The following CENPU variants were observed in gnomAD, a reference collection of about 807,000 sequenced individuals.
CENPU encodes the protein KSHV latent nuclear antigen interacting protein 1.
Under a neutral mutation model 56.7 loss-of-function variants are expected in CENPU, and 46 were observed. That is an observed-to-expected ratio of 0.81 (90% CI 0.64 to 1.04). The LOEUF (loss-of-function observed/expected upper bound fraction) is 1.04. Among genes scored for constraint, CENPU ranks in the 50% least tolerant of loss-of-function variants. The pLI is 0.00. For missense variants in CENPU, 510 were observed against 490.1 expected (o/e 1.04, Z -0.38); for synonymous variants, 166 against 163.0 (o/e 1.02, Z -0.14).
rs534938888 is a variant in CENPU at position 184,716,263 on chromosome 4, T to G, written c.618+134A>C. On this transcript the variant is annotated intron_variant, in intron 6 of 12. Coordinates refer to ENST00000281453, the MANE Select transcript of CENPU (RefSeq NM_024629.4). Reference sequence around the variant, plus strand: ...CCATCTAGATTTTCTAAAACAAACATCTTTATTACATTAAGGAAAATATAA... The same window carrying G: ...CCATCTAGATTTTCTAAAACAAACAGCTTTATTACATTAAGGAAAATATAA... 23 of 679,022 alleles carry G rather than the reference T, an allele frequency of 3.4e-5. No individual in the cohort carries two copies. In the Admixed American group the frequency reaches 6.8e-4, roughly 20 times the overall value. 42.1% of individuals were successfully genotyped at this position (679,022 alleles called of 1,614,324 possible).
chr4:184,696,872 A>G (rs1299027188), intron 12 of CENPU, among the ~76,000 whole-genome samples: 1 of 140,760 alleles, frequency 7.1e-6, no homozygotes, highest in East Asian at 2.0e-4. Flanking sequence ...TTCCTTTTTA[A>G]TGTTCCTTAA....
chr4:184,698,826 C>T (rs1579754303), intron 11 of CENPU, among the ~76,000 whole-genome samples: 2 of 152,184 alleles, frequency 1.3e-5, no homozygotes, highest in Non-Finnish European at 2.9e-5. Flanking sequence ...GTCAGGAGTG[C>T]TGGATTTGGA....
chr4:184,721,737 A>G (rs1236041505), intron 4 of CENPU, among the ~76,000 whole-genome samples: 3 of 152,186 alleles, frequency 2.0e-5, no homozygotes, highest in Non-Finnish European at 2.9e-5. Context: ...CAACACTGGA[A>G]CACCCAGATA....
chr4:184,723,775 G>A lies in CENPU; in HGVS notation c.320+1182C>T, dbSNP rs184230324. Among the ~76,000 whole-genome samples, 571 of 149,940 alleles carry A rather than the reference G, an allele frequency of 3.8e-3. 6 individuals are homozygous for A. Among genetic ancestry groups the A allele is most frequent in the African/African-American group, 0.013 (548 of 40,728 alleles). On this transcript the variant is annotated intron_variant, in intron 4 of 12. Coordinates refer to ENST00000281453, the MANE Select transcript of CENPU (RefSeq NM_024629.4). The stretch of plus-strand genomic sequence containing the variant: ...GGAGAATTGCTTGAACCTGGGAGGC[G>A]GAGGTTACAGTGAGCCAAGATTGCG...
chr4:184,715,580 T>C (rs1456109761), intron 6 of CENPU, among the ~76,000 whole-genome samples: 1 of 152,194 alleles, frequency 6.6e-6, no homozygotes, highest in Non-Finnish European at 1.5e-5. Flanking sequence ...CCCAAAGTGG[T>C]AGGATTACAG....
chr4:184,731,135 A>G (rs1420475275), intron 1 of CENPU, among the ~76,000 whole-genome samples, 167 bp from the exon 2 acceptor site: 1 of 152,136 alleles, frequency 6.6e-6, no homozygotes, highest in East Asian at 1.9e-4. Flanking sequence ...GTATAAAATA[A>G]CATACCTCTC....
At chr4:184,711,004 C>T (rs7659101) in intron 7 of CENPU, among the ~76,000 whole-genome samples, 27,056 of 151,840 alleles carry the variant, frequency 0.18, 2,678 homozygotes, top group African/African-American at 0.26. Context: ...TACAAGTGTA[C>T]GCCACTATGC....
intron 1 of CENPU, 51 bp downstream of exon 1, chr4:184,733,965 C>T: frequency 1.2e-6 from 2 of 1,608,418 alleles, no homozygotes; most frequent in Non-Finnish European, 1.7e-6. Context: ...GGCGAGGAAG[C>T]AGTTCAAGCT....
chr4:184,731,059 C>CAAAAA, intron 1 of CENPU, 91 bp from the exon 2 acceptor site: 3 of 681,460 alleles, frequency 4.4e-6, no homozygotes, highest in Non-Finnish European at 6.4e-6. Context: ...GCATTTTTAC[C>CAAAAA]AAAAAAAAAA....
intron 8 of CENPU, among the ~76,000 whole-genome samples, chr4:184,705,036 G>A (rs1435850471): frequency 1.3e-5 from 2 of 152,092 alleles, no homozygotes; most frequent in South Asian, 2.1e-4. Context: ...AACTAAACAT[G>A]CAATTACCAT....
intron 8 of CENPU, among the ~76,000 whole-genome samples, chr4:184,705,470 G>A (rs1405301738): frequency 2.6e-5 from 4 of 152,066 alleles, no homozygotes; most frequent in Non-Finnish European, 5.9e-5. Context: ...GAGAACACAA[G>A]GATCCTGGAG....
intron 8 of CENPU, among the ~76,000 whole-genome samples, chr4:184,706,730 A>T (rs1426148420): frequency 6.6e-6 from 1 of 152,240 alleles, no homozygotes; most frequent in Non-Finnish European, 1.5e-5. Context: ...CATATTGTCA[A>T]GGAAACAAAA....
In CENPU at chr4:184,695,416, T is replaced by G. The variant is rs368960611; in HGVS notation, c.1144-15A>C. 13 of 1,560,768 alleles carry G rather than the reference T, an allele frequency of 8.3e-6. No individual in the cohort carries two copies. Among genetic ancestry groups the G allele is most frequent in the Non-Finnish European group, 1.1e-5 (12 of 1,132,576 alleles). On this transcript the variant is annotated splice_polypyrimidine_tract_variant and intron_variant, in intron 12 of 12. Transcript: ENST00000281453. ...GATGAATCATACTGTTGAAAGAAAA[T>G]TATATAATTAGCAATATCAAAAACT...
rs1760049750 is a variant in CENPU at position 184,694,493 on chromosome 4, C to T, written c.*795G>A. ...CCTGAGTAAATATTTTCCTATCCCACTCTCTATCCCTTCACCACTGAAATA... is the reference window on the plus strand; with the variant it reads ...CCTGAGTAAATATTTTCCTATCCCATTCTCTATCCCTTCACCACTGAAATA... On this transcript the variant is annotated 3_prime_UTR_variant, in exon 13 of 13. Transcript: ENST00000281453. The T allele has an allele frequency of 2.5e-6, 4 of 1,597,896 alleles. No individual in the cohort carries two copies. The highest frequency in any genetic ancestry group is 3.4e-6 in the Non-Finnish European group (4 of 1,168,978).
At chr4:184,728,046 G>A (rs963171572) in intron 3 of CENPU, among the ~76,000 whole-genome samples, 2 of 152,122 alleles carry the variant, frequency 1.3e-5, no homozygotes, top group Admixed American at 1.3e-4. Flanking sequence ...CAATTTTCTG[G>A]AATTAGATAA....
chr4:184,698,018 A>T (rs1170146192), intron 11 of CENPU: 1 of 494,762 alleles, frequency 2.0e-6, no homozygotes, highest in Non-Finnish European at 3.6e-6. Context: ...AATAATTAGC[A>T]GTGATATCCA....
rs781245400 is a variant in CENPU at position 184,710,142 on chromosome 4, T to C, written c.727A>G (p.Met243Val). Reference sequence around the variant, plus strand: ...AACTCCTTGATGTCACTGGTTTTCATTCCTTCTGGACACCAAATGTGCACA... The same window carrying C: ...AACTCCTTGATGTCACTGGTTTTCACTCCTTCTGGACACCAAATGTGCACA... ...DIVHIWCPEG[M>V]KTSDIKELNI... The change falls in exon 8 of 13, where the codon ATG (methionine) becomes GTG (valine). Residue 243 changes from methionine (M) to valine (V), a missense_variant. By Grantham distance (21) the Met-to-Val change is conservative (BLOSUM62 1). Coordinates refer to ENST00000281453, the MANE Select transcript of CENPU (RefSeq NM_024629.4). 8 of 1,610,458 alleles carry C rather than the reference T, an allele frequency of 5.0e-6. No homozygotes were observed. In the South Asian group the frequency reaches 5.5e-5, roughly 11 times the overall value.
At chr4:184,732,985 C>CAAAA (rs56015944) in intron 1 of CENPU, among the ~76,000 whole-genome samples, 9 of 114,870 alleles carry the variant, frequency 7.8e-5, no homozygotes, top group African/African-American at 2.6e-4. Context: ...GACTCCGTCT[C>CAAAA]AAAAAAAAAA....
In CENPU at chr4:184,702,147, CA is replaced by C; in HGVS notation, c.877-12del. On this transcript the variant is annotated splice_polypyrimidine_tract_variant and intron_variant, in intron 9 of 12. Transcript: ENST00000281453. The stretch of plus-strand genomic sequence containing the variant: ...CTGGCTTTCTTTAAGCTACACAAAA[CA>C]AAAAATACACATGTACATCAGTTTC... 3.1e-6 allele frequency: 5 copies of C among 1,589,234 alleles called. No homozygotes were observed. Among genetic ancestry groups the C allele is most frequent in the Admixed American group, 3.5e-5 (2 of 57,636 alleles).
Sources: allele counts gnomAD v4.1 joint callset (sites outside exome capture counted in the v4.1 genomes callset), GRCh38; gene constraint gnomAD v4.1.1; transcripts MANE v1.5; gene names NCBI Gene and HGNC (gene_info 2026-07-23, HGNC 2026-07-21).